The following PCGF3 variants were observed in gnomAD, a reference collection of about 807,000 sequenced individuals.
PCGF3 encodes polycomb group RING finger protein 3.
PCGF3 carries 7 observed loss-of-function variants against 33.1 expected under a neutral mutation model. The ratio of observed to expected loss-of-function variants is 0.21; its 90% CI spans 0.12 to 0.40. The LOEUF (loss-of-function observed/expected upper bound fraction) is 0.40, where lower values mean the gene tolerates loss of function less well. Ranked by LOEUF, PCGF3 falls within the 10% of genes least tolerant of loss-of-function variation. The pLI is 1.00. For missense variants in PCGF3, 211 were observed against 313.3 expected (o/e 0.67, Z 2.46); for synonymous variants, 153 against 121.3 (o/e 1.26, Z -1.72).
intron 3 of PCGF3, chr4:732,400 GCTCCCGTGTCCTCAGTATGCATCAGGT>G: frequency 8.3e-6 from 1 of 121,010 alleles, no homozygotes; most frequent in Non-Finnish European, 1.9e-5. Flanking sequence ...TCCTGGGCAG[GCTCCCGTGTCCTCAGTATGCATCAGGT>G]CTCCCGAACC....
intron 8 of PCGF3, among the ~76,000 whole-genome samples, chr4:753,013 C>A (rs1744595170): frequency 6.6e-6 from 1 of 152,208 alleles, no homozygotes; most frequent in Admixed American, 6.5e-5. Context: ...GAGATTAGCT[C>A]CATTACCTGG....
chr4:727,913 C>A (rs1020468535), intron 1 of PCGF3, among the ~76,000 whole-genome samples: 9 of 152,122 alleles, frequency 5.9e-5, no homozygotes, highest in African/African-American at 2.2e-4. Flanking sequence ...TTATTTGTGC[C>A]CTGAGCGTCT....
chr4:734,131 G>A (rs1304462807), intron 4 of PCGF3: 7 of 1,550,526 alleles, frequency 4.5e-6, no homozygotes, highest in South Asian at 1.2e-5. Context: ...TCCTTCAAAG[G>A]GGAACCTTCC....
chr4:724,621 C>T (rs559571112), intron 1 of PCGF3, among the ~76,000 whole-genome samples: 4 of 152,282 alleles, frequency 2.6e-5, no homozygotes, highest in Admixed American at 6.5e-5. Context: ...GGTCAGGAGT[C>T]GAGACCAGCC....
intron 5 of PCGF3, among the ~76,000 whole-genome samples, chr4:736,080 G>C (rs1050632721): frequency 1.2e-4 from 18 of 151,728 alleles, no homozygotes; most frequent in African/African-American, 4.4e-4. Flanking sequence ...ATGGAGTCTT[G>C]CTCTGTCGCC....
chr4:751,933 C>G (rs1744533151), intron 8 of PCGF3, among the ~76,000 whole-genome samples: 1 of 152,394 alleles, frequency 6.6e-6, no homozygotes, highest in East Asian at 1.9e-4. Flanking sequence ...CCTCAAGGCA[C>G]AGGCCTCCTG....
chr4:766,803 A>T (rs567068446), exon 11 of PCGF3: 62 of 152,364 alleles, frequency 4.1e-4, no homozygotes, highest in African/African-American at 1.5e-3. Flanking sequence ...GGGATTTCTG[A>T]CATGCTCAGC....
chr4:730,782 C>A, intron 2 of PCGF3, 114 bp downstream of exon 2: 1 of 375,902 alleles, frequency 2.7e-6, no homozygotes, highest in South Asian at 1.5e-4. Flanking sequence ...CTCTGAAACG[C>A]AGGCTCTGAG....
chr4:732,352 TTCC>T (rs1403055712), intron 3 of PCGF3: 56 of 123,334 alleles, frequency 4.5e-4, no homozygotes, highest in Non-Finnish European at 5.6e-4. Flanking sequence ...CTCCCTTCCC[TTCC>T]CCTCCCCTCC....
intron 1 of PCGF3, among the ~76,000 whole-genome samples, chr4:718,813 T>C (rs1268565674): frequency 6.6e-6 from 1 of 152,222 alleles, no homozygotes; most frequent in African/African-American, 2.4e-5. Context: ...GGGAGGCAAC[T>C]TTACTGCCTG....
intron 1 of PCGF3, among the ~76,000 whole-genome samples, chr4:709,823 G>T (rs1382050001): frequency 1.3e-5 from 2 of 152,226 alleles, no homozygotes. Flanking sequence ...GCCACGTCGT[G>T]TCCCTGCGTG....
In PCGF3 at chr4:765,139, G is replaced by A. The variant is rs939020435; in HGVS notation, c.681+75G>A. On this transcript the variant is annotated intron_variant, in intron 10 of 10. Coordinates refer to ENST00000362003, the Ensembl canonical transcript of PCGF3. The stretch of plus-strand genomic sequence containing the variant: ...TTGCTGTGCATCTCTTATCTAAAAT[G>A]TTAAATGACTCCAGCTGGGTGCAGT... 4.8e-6 allele frequency: 5 copies of A among 1,039,506 alleles called. No homozygotes were observed. In the African/African-American group the frequency reaches 7.8e-5, roughly 16 times the overall value. 64.4% of individuals were successfully genotyped at this position (1,039,506 alleles called of 1,614,324 possible).
chr4:714,918 C>T (rs1560195632), intron 1 of PCGF3, among the ~76,000 whole-genome samples: 1 of 152,242 alleles, frequency 6.6e-6, no homozygotes, highest in African/African-American at 2.4e-5. Context: ...GGTTCTGGGA[C>T]CCTGTAGACA....
intron 1 of PCGF3, among the ~76,000 whole-genome samples, chr4:726,901 C>T (rs1244818307): frequency 6.6e-6 from 1 of 152,234 alleles, no homozygotes; most frequent in Non-Finnish European, 1.5e-5. Context: ...CGCAGGCCTC[C>T]CTCAGGTCCC....
At chr4:757,352 TGA>T (rs1231337056) in intron 8 of PCGF3, 1 of 152,254 alleles carries the variant, frequency 6.6e-6, no homozygotes, top group Non-Finnish European at 1.5e-5. Flanking sequence ...GGCTGCCTGT[TGA>T]GGGCAGGGTG....
chr4:754,271 T>G (rs960099209), intron 8 of PCGF3, among the ~76,000 whole-genome samples: 10 of 152,168 alleles, frequency 6.6e-5, no homozygotes, highest in Admixed American at 2.6e-4. Context: ...AAATGTGGTT[T>G]GTTTTCACTC....
Position 726,654 on chromosome 4 carries a change from T to C in PCGF3, c.-189-3976T>C, listed in dbSNP as rs78881877. Among the ~76,000 whole-genome samples the C allele has an allele frequency of 2.0e-5, 3 of 152,326 alleles. No homozygotes were observed. In the East Asian group the frequency reaches 5.8e-4, roughly 29 times the overall value. ...AACCTCCAAAGGTTCACGGTCGCCTTTTCCATTGTCCTCACCCACCCGGCC... is the reference window on the plus strand; with the variant it reads ...AACCTCCAAAGGTTCACGGTCGCCTCTTCCATTGTCCTCACCCACCCGGCC... On this transcript the variant is annotated intron_variant, in intron 1 of 10. Coordinates refer to ENST00000362003, the Ensembl canonical transcript of PCGF3.
At chr4:749,840 C>A (rs1158406607) in intron 8 of PCGF3, among the ~76,000 whole-genome samples, 1 of 152,038 alleles carries the variant, frequency 6.6e-6, no homozygotes, top group Non-Finnish European at 1.5e-5. Flanking sequence ...TTCTTTGAGA[C>A]GGGATCTGGC....
Position 737,532 on chromosome 4 carries a change from G to GA in PCGF3, c.262+12dup, listed in dbSNP as rs1266925617. 6 of 1,578,430 alleles carry GA rather than the reference G, an allele frequency of 3.8e-6. No homozygotes were observed. Among genetic ancestry groups the GA allele is most frequent in the Non-Finnish European group, 5.2e-6 (6 of 1,147,636 alleles). On this transcript the variant is annotated intron_variant, in intron 6 of 10. Transcript: ENST00000362003. ...CAGGCCTCCAAGAAGGTGAGTGTCT[G>GA]ACTGTCTTGCTGATCCCTGAGGTCC...
Sources: gnomAD v4.1 joint callset for allele counts (sites outside exome capture counted in the v4.1 genomes callset) on GRCh38, gnomAD v4.1.1 for gene constraint, MANE v1.5 for transcripts, NCBI Gene and HGNC (gene_info 2026-07-23, HGNC 2026-07-21) for gene names.